Variants in PRDM1 observed in about 807,000 individuals in gnomAD.
The protein encoded by PRDM1 is PR/SET domain 1.
PRDM1 carries 13 observed loss-of-function variants against 62.8 expected under a neutral mutation model. The ratio of observed to expected loss-of-function variants is 0.21; its 90% CI spans 0.13 to 0.33. PRDM1 has a LOEUF of 0.33. Ranked by LOEUF, PRDM1 falls within the 10% of genes least tolerant of loss-of-function variation. The probability of loss-of-function intolerance (pLI) is 1.00; values close to 1 mark genes in which losing one functional copy is unlikely to be tolerated. For missense variants in PRDM1, 895 were observed against 1,058.8 expected (o/e 0.85, Z 2.15); for synonymous variants, 396 against 417.6 (o/e 0.95, Z 0.63).
At chr6:106,039,655 C>T (rs1772965860) in intron 1 of PRDM1, among the ~76,000 whole-genome samples, 1 of 152,046 alleles carries the variant, frequency 6.6e-6, no homozygotes, top group Non-Finnish European at 1.5e-5. Flanking sequence ...CTTCTGTCTC[C>T]CTTATTATTA....
intron 1 of PRDM1, among the ~76,000 whole-genome samples, chr6:106,013,302 C>T (rs1772578830): frequency 6.6e-6 from 1 of 151,476 alleles, no homozygotes; most frequent in Admixed American, 6.6e-5. Context: ...TCATTCACCC[C>T]TGCCTGTAAA....
rs556322359 is a variant in PRDM1 at position 106,098,369 on chromosome 6, C to T, written c.412-931C>T. ...GTTTTAATTTTTCTTCTTCCTCTGC[C>T]TCTTTGCCAAGTAGCCTGAGTGCAT... On this transcript the variant is annotated intron_variant, in intron 3 of 6. Transcript: ENST00000369096. 3.0e-6 allele frequency: 3 copies of T among 985,324 alleles called. No individual in the cohort carries two copies. In the South Asian group the frequency reaches 1.4e-4, roughly 46 times the overall value. The allele number at this position is 985,324 out of a possible 1,614,324, so 61.0% of individuals were successfully genotyped here. A position where few individuals can be genotyped will look rare whatever the true frequency, so the allele number is the denominator to read the frequency against.
At chr6:106,100,444 A>C (rs1774235407) in intron 4 of PRDM1, 1 of 152,236 alleles carries the variant, frequency 6.6e-6, no homozygotes, top group Admixed American at 6.5e-5. Context: ...AAAACATTTG[A>C]AGAAAAGGAC....
intron 1 of PRDM1, among the ~76,000 whole-genome samples, chr6:106,002,376 G>A (rs908089523): frequency 6.6e-6 from 1 of 152,026 alleles, no homozygotes; most frequent in Non-Finnish European, 1.5e-5. Flanking sequence ...GATGTTGCTG[G>A]GACATGGTTA....
At chr6:106,035,895 T>C (rs999663354) in intron 1 of PRDM1, among the ~76,000 whole-genome samples, 1 of 152,148 alleles carries the variant, frequency 6.6e-6, no homozygotes, top group Non-Finnish European at 1.5e-5. Context: ...GTGAGACTTC[T>C]GTCATTTTGC....
At chr6:106,074,352 G>A (rs1470435552) in intron 1 of PRDM1, among the ~76,000 whole-genome samples, 1 of 152,098 alleles carries the variant, frequency 6.6e-6, no homozygotes, top group Non-Finnish European at 1.5e-5. Flanking sequence ...AACACTTGTG[G>A]ACTTCCCACT....
intron 1 of PRDM1, among the ~76,000 whole-genome samples, chr6:106,062,865 T>C (rs750168743): frequency 6.6e-6 from 1 of 152,176 alleles, no homozygotes; most frequent in African/African-American, 2.4e-5. Context: ...TAATCAGTGC[T>C]GGTTTCTGTT....
intron 1 of PRDM1, among the ~76,000 whole-genome samples, chr6:106,081,174 T>C (rs1773688699): frequency 6.6e-6 from 1 of 152,242 alleles, no homozygotes; most frequent in African/African-American, 2.4e-5. Flanking sequence ...AGGACAGTCA[T>C]GCCTTCTTCC....
At chr6:106,029,885 T>G (rs866320949) in intron 1 of PRDM1, among the ~76,000 whole-genome samples, 4 of 151,614 alleles carry the variant, frequency 2.6e-5, no homozygotes, top group Middle Eastern at 3.4e-3. Flanking sequence ...TCCCAAAGCG[T>G]TAGGATTACA....
At chr6:106,047,777 G>A (rs964987730), upstream of PRDM1, among the ~76,000 whole-genome samples, 8 of 152,322 alleles carry the variant, frequency 5.3e-5, no homozygotes, top group African/African-American at 1.9e-4. Context: ...TTTGATAGTT[G>A]TCAGTTTTTA....
chr6:105,996,868 A>G (rs1009396159), intron 1 of PRDM1, among the ~76,000 whole-genome samples: 3 of 152,200 alleles, frequency 2.0e-5, no homozygotes, highest in Admixed American at 6.5e-5. Context: ...TTTCCGCCAA[A>G]TTGACTGTCT....
At chr6:106,097,175 A>G (rs1039488282) in intron 3 of PRDM1, among the ~76,000 whole-genome samples, 1 of 152,232 alleles carries the variant, frequency 6.6e-6, no homozygotes, top group African/African-American at 2.4e-5. Context: ...TGGTGGAACC[A>G]TGAGTGCATT....
upstream of PRDM1, chr6:106,086,283 G>T (rs1270286876): frequency 2.4e-6 from 1 of 413,716 alleles, no homozygotes; most frequent in Non-Finnish European, 4.3e-6. Flanking sequence ...CCCCCACTTC[G>T]CGCAGCCGAG....
rs2114658133 is a variant in PRDM1, at chr6:106,105,807, C to A, written c.1647C>A (p.Leu549=). Residue 549 remains leucine (L), a synonymous_variant, in exon 5 of 7, where the codon CTC becomes CTA. Transcript: ENST00000369096. ...AAPSSDEAMN[L]IKNKRNMTGY... is the part of the protein sequence containing the mutation. ...CCAGCAGCGACGAAGCCATGAATCT[C>A]ATTAAAAACAAAAGAAACATGACCG... is the stretch of plus-strand genomic sequence containing the variant. 1 of 1,614,224 alleles carries A rather than the reference C, an allele frequency of 6.2e-7. No homozygotes were observed. The highest frequency in any genetic ancestry group is 8.5e-7 in the Non-Finnish European group (1 of 1,180,042).
upstream of PRDM1, among the ~76,000 whole-genome samples, chr6:105,993,125 C>G (rs575199927): frequency 6.6e-6 from 1 of 152,222 alleles, no homozygotes. Context: ...ACATGTCGAC[C>G]CTCCTTTTAC....
intron 1 of PRDM1, among the ~76,000 whole-genome samples, chr6:106,071,281 A>G (rs1773512222): frequency 1.3e-5 from 2 of 152,126 alleles, no homozygotes; most frequent in Non-Finnish European, 2.9e-5. Context: ...AAAAAAAAGA[A>G]TGCATCTTAT....
At chr6:106,102,746 G>GA (rs1169443165) in intron 4 of PRDM1, among the ~76,000 whole-genome samples, 4 of 152,116 alleles carry the variant, frequency 2.6e-5, no homozygotes, top group Non-Finnish European at 5.9e-5. Flanking sequence ...GAAGCCACTG[G>GA]AAAAAATATG....
intron 4 of PRDM1, among the ~76,000 whole-genome samples, chr6:106,104,211 T>G (rs1774364104): frequency 1.3e-5 from 2 of 152,060 alleles, no homozygotes; most frequent in African/African-American, 2.4e-5. Flanking sequence ...GGAAGTTTTT[T>G]TTTTTTTTTT....
intron 1 of PRDM1, among the ~76,000 whole-genome samples, chr6:106,011,992 A>C (rs1282982904): frequency 7.6e-6 from 1 of 130,782 alleles, no homozygotes; most frequent in Non-Finnish European, 1.6e-5. Context: ...CACACACCAC[A>C]CTCCTCCACA....
Sources: allele counts gnomAD v4.1 joint callset (sites outside exome capture counted in the v4.1 genomes callset), GRCh38; gene constraint gnomAD v4.1.1; transcripts MANE v1.5; gene names NCBI Gene and HGNC (gene_info 2026-07-23, HGNC 2026-07-21).